PLEKHA5: variants seen among roughly 807,000 people sequenced by gnomAD.
PLEKHA5 encodes pleckstrin homology domain containing A5.
PLEKHA5 carries 55 observed loss-of-function variants against 181.9 expected under a neutral mutation model. The ratio of observed to expected loss-of-function variants is 0.30; its 90% CI spans 0.24 to 0.38. The LOEUF (loss-of-function observed/expected upper bound fraction) is 0.38. Among genes scored for constraint, PLEKHA5 ranks in the 10% least tolerant of loss-of-function variants. PLEKHA5 has a pLI of 1.00. For synonymous variants in PLEKHA5, 535 were observed against 529.4 expected, an observed-to-expected ratio of 1.01 and a Z score of -0.15; for missense variants, 1,432 against 1,549.5, an observed-to-expected ratio of 0.92 and a Z score of 1.27.
intron 10 of PLEKHA5, among the ~76,000 whole-genome samples, chr12:19,272,941 C>T (rs1339678345): frequency 6.6e-6 from 1 of 152,196 alleles, no homozygotes; most frequent in African/African-American, 2.4e-5. Context: ...GAGTCTCGCT[C>T]TGTCGCCCAG....
intron 31 of PLEKHA5, among the ~76,000 whole-genome samples, chr12:19,374,376 T>C (rs2095660428): frequency 6.6e-6 from 1 of 152,140 alleles, no homozygotes; most frequent in South Asian, 2.1e-4. Flanking sequence ...TCACATTATG[T>C]TGGCCGGGCA....
Position 19,362,612 on chromosome 12 carries a change from G to T in PLEKHA5, c.3608+906G>T, listed in dbSNP as rs2095288895. Among the ~76,000 whole-genome samples, 4 of 151,994 alleles carry T rather than the reference G, an allele frequency of 2.6e-5. 1 individual carries two copies. The highest frequency in any genetic ancestry group is 9.7e-5 in the African/African-American group (4 of 41,370). ...AGCACCTAGGAAGTATTCAATAAAT[G>T]ATACCTTACCCCAGGTGCATGCCTG... On this transcript the variant is annotated intron_variant, in intron 29 of 31. Transcript: ENST00000429027.
intron 15 of PLEKHA5, chr12:19,306,668 G>A (rs1400968225): frequency 1.4e-6 from 2 of 1,462,660 alleles, no homozygotes; most frequent in Non-Finnish European, 1.9e-6. Context: ...ATCTCCCCGG[G>A]CGCTAGCTCT....
chr12:19,175,499 CTAATAA>C lies in PLEKHA5; in HGVS notation c.227+43050_227+43055del, dbSNP rs1252700526. Among the ~76,000 whole-genome samples, 3 of 152,132 alleles carry C rather than the reference CTAATAA, an allele frequency of 2.0e-5. No individual in the cohort carries two copies. The East Asian group carries it at 5.8e-4, about 29-fold the overall frequency. ...AGCAAGTTTTAAAGCATGTTATATA[CTAATAA>C]AGTTTTTATTTATGCTTTTCTATAT... On this transcript the variant is annotated intron_variant, in intron 3 of 31. Transcript: ENST00000429027.
At chr12:19,348,943 C>T (rs1157582296) in intron 25 of PLEKHA5, among the ~76,000 whole-genome samples, 1 of 152,008 alleles carries the variant, frequency 6.6e-6, no homozygotes, top group Non-Finnish European at 1.5e-5. Context: ...GCCTGGGCAA[C>T]AGAGCAAGAC....
intron 3 of PLEKHA5, among the ~76,000 whole-genome samples, chr12:19,208,756 C>T (rs1331233450): frequency 6.6e-6 from 1 of 152,112 alleles, no homozygotes; most frequent in African/African-American, 2.4e-5. Context: ...TTCTTAGCTA[C>T]TTAAGAGCCT....
At chr12:19,290,865 T>C (rs1273518941) in intron 14 of PLEKHA5, 69 bp downstream of exon 14, 1 of 1,388,156 alleles carries the variant, frequency 7.2e-7, no homozygotes, top group Non-Finnish European at 9.7e-7. Context: ...CATCAGTCAA[T>C]ATGATCAGCA....
chr12:19,264,200 C>T (rs1201230937), intron 7 of PLEKHA5, among the ~76,000 whole-genome samples: 5 of 152,022 alleles, frequency 3.3e-5, no homozygotes, highest in Non-Finnish European at 7.4e-5. Context: ...GTCCTATTAT[C>T]CTCAATTTTA....
intron 21 of PLEKHA5, among the ~76,000 whole-genome samples, chr12:19,338,826 G>T (rs1375828609): frequency 6.6e-6 from 1 of 150,756 alleles, no homozygotes; most frequent in Non-Finnish European, 1.5e-5. Context: ...GGAGGTTGCA[G>T]TGATCGGAGA....
intron 3 of PLEKHA5, among the ~76,000 whole-genome samples, chr12:19,225,261 C>T (rs1345367778): frequency 1.3e-5 from 2 of 152,070 alleles, no homozygotes; most frequent in African/African-American, 4.8e-5. Context: ...GATGATAAAC[C>T]ATTGCCTACT....
intron 3 of PLEKHA5, among the ~76,000 whole-genome samples, chr12:19,230,476 C>A (rs896119012): frequency 6.6e-6 from 1 of 152,156 alleles, no homozygotes; most frequent in African/African-American, 2.4e-5. Context: ...TCGGGCATGG[C>A]GGGCTGCAGG....
rs573647279 is a variant in PLEKHA5, at chr12:19,315,614, G to A, written c.2118+720G>A. On this transcript the variant is annotated intron_variant, in intron 16 of 31. Transcript: ENST00000429027. Reference sequence around the variant, plus strand: ...ATGGTCTAAATGTTTCTAGCTATGTGTTTCTCAACATCAGCTTCTTTCACT... The same window carrying A: ...ATGGTCTAAATGTTTCTAGCTATGTATTTCTCAACATCAGCTTCTTTCACT... Among the ~76,000 whole-genome samples, 4 of 152,180 alleles carry A rather than the reference G, an allele frequency of 2.6e-5. No homozygotes were observed. The Middle Eastern group carries it at 0.014, about 518-fold the overall frequency.
intron 3 of PLEKHA5, among the ~76,000 whole-genome samples, chr12:19,157,639 A>C (rs573656580): frequency 6.6e-6 from 1 of 152,244 alleles, no homozygotes; most frequent in South Asian, 2.1e-4. Context: ...CATTTATTGC[A>C]TACACCATAC....
intron 15 of PLEKHA5, chr12:19,306,879 A>C (rs2083963910): frequency 1.2e-6 from 1 of 803,786 alleles, no homozygotes. Context: ...GTTATTCCTG[A>C]TAAGGCTAAG....
chr12:19,306,740 CGG>C (rs1406648571), intron 15 of PLEKHA5: 255 of 1,149,610 alleles, frequency 2.2e-4, no homozygotes, highest in Non-Finnish European at 5.6e-5. Flanking sequence ...CTCTTCCCGC[CGG>C]ATAATTCACC....
At position 19,347,158 on chromosome 12, in the gene PLEKHA5, A is replaced by G. The variant is rs1283627110; in HGVS notation, c.2874A>G (p.Gly958=). 6.5e-7 allele frequency: 1 copy of G among 1,547,884 alleles called. No individual in the cohort carries two copies. Among genetic ancestry groups the G allele is most frequent in the Non-Finnish European group, 8.7e-7 (1 of 1,144,216 alleles). Residue 958 remains glycine, a synonymous_variant, in exon 24 of 32, where the codon GGA becomes GGG. Coordinates refer to ENST00000429027, the MANE Select transcript of PLEKHA5 (RefSeq NM_001256470.2). ...AAAAGAAGATGTATCAAGTTCAAGG[A>G]TATCCAAGAAATGGATCTCACTGTG... is the stretch of plus-strand genomic sequence containing the variant. ...PEEKKMYQVQ[G]YPRNGSHCGP...
intron 15 of PLEKHA5, chr12:19,306,779 C>A (rs2083905434): frequency 3.3e-6 from 3 of 913,756 alleles, no homozygotes; most frequent in Middle Eastern, 2.1e-4. Flanking sequence ...TCGTTAAATT[C>A]CATGATCCAG....
chr12:19,289,390 AG>A (rs2077909041), intron 13 of PLEKHA5, among the ~76,000 whole-genome samples: 1 of 152,224 alleles, frequency 6.6e-6, no homozygotes, highest in African/African-American at 2.4e-5. Context: ...AAAGAGCAAT[AG>A]CAAATAAACA....
At position 19,287,123 on chromosome 12, in the gene PLEKHA5, G is replaced by A. The variant is rs555153254; in HGVS notation, c.1780-350G>A. Reference sequence around the variant, plus strand: ...AGCACTTGTCCCACGTCAGCCTTCCGAGTAGCTAGGATTACAGGCCCACGC... The same window carrying A: ...AGCACTTGTCCCACGTCAGCCTTCCAAGTAGCTAGGATTACAGGCCCACGC... On this transcript the variant is annotated intron_variant, in intron 12 of 31. Transcript: ENST00000429027. Among the ~76,000 whole-genome samples the A allele has an allele frequency of 4.6e-5, 7 of 152,062 alleles. No individual in the cohort carries two copies. In the South Asian group the frequency reaches 1.2e-3, roughly 27 times the overall value.
Sources: gnomAD v4.1 joint callset for allele counts (sites outside exome capture counted in the v4.1 genomes callset) on GRCh38, gnomAD v4.1.1 for gene constraint, MANE v1.5 for transcripts, NCBI Gene and HGNC (gene_info 2026-07-23, HGNC 2026-07-21) for gene names.